C19orf44: variants seen among roughly 807,000 people sequenced by gnomAD.
C19orf44 encodes uncharacterized protein C19orf44.
In C19orf44, 43 loss-of-function variants were observed where a neutral mutation model predicts 50.7. The ratio of observed to expected loss-of-function variants is 0.85; its 90% CI spans 0.66 to 1.09. C19orf44 has a LOEUF of 1.09. Among genes scored for constraint, C19orf44 ranks in the 50% least tolerant of loss-of-function variants. The probability of loss-of-function intolerance (pLI) is 0.00; values close to 1 mark genes in which losing one functional copy is unlikely to be tolerated. For missense variants in C19orf44, 722 were observed against 836.2 expected, an observed-to-expected ratio of 0.86 and a Z score of 1.68; for synonymous variants, 298 against 334.7, an observed-to-expected ratio of 0.89 and a Z score of 1.20.
chr19:16,499,862 T>C (rs1264370503), intron 1 of C19orf44, among the ~76,000 whole-genome samples: 2 of 151,488 alleles, frequency 1.3e-5, no homozygotes, highest in East Asian at 3.9e-4. Context: ...TGATCTCGGC[T>C]CACTGCAACC....
Position 16,504,740 on chromosome 19 carries a change from T to C in C19orf44, c.1075+1360T>C, listed in dbSNP as rs185405212. 4.7e-4 allele frequency among the ~76,000 whole-genome samples: 71 copies of C among 151,614 alleles called. No individual in the cohort carries two copies. In the East Asian group the frequency reaches 9.3e-3, roughly 20 times the overall value. On this transcript the variant is annotated intron_variant, in intron 3 of 8. Coordinates refer to ENST00000221671, the MANE Select transcript of C19orf44 (RefSeq NM_032207.4). ...TCAGCTTCCCAAGTAGCTGGGACTA[T>C]AGGCGCACGCCACCATGCCTGGCTA...
chr19:16,513,071 C>A lies in C19orf44; in HGVS notation c.1697C>A (p.Pro566His). The change falls in exon 6 of 9, where the codon CCC (proline) becomes CAC (histidine). Residue 566 changes from proline to histidine, a missense_variant. Pro to His is a moderately conservative substitution (Grantham distance 77). Coordinates refer to ENST00000221671, the MANE Select transcript of C19orf44 (RefSeq NM_032207.4). The part of the protein sequence containing the change: ...ALGGAYVDPT[P>H]IANHVISADA... ...GGAGGCGCCTACGTGGACCCGACAC[C>A]CATCGCCAATCATGTTATCAGTGCA... 6.2e-7 allele frequency: 1 copy of A among 1,613,922 alleles called. No homozygotes were observed. The highest frequency in any genetic ancestry group is 8.5e-7 in the Non-Finnish European group (1 of 1,180,022).
intron 1 of C19orf44, among the ~76,000 whole-genome samples, chr19:16,498,860 C>T (rs1210198948): frequency 2.0e-5 from 3 of 151,624 alleles, no homozygotes; most frequent in South Asian, 2.1e-4. Flanking sequence ...TTAGTAGAGA[C>T]GGGGTTTCAC....
chr19:16,499,248 T>C (rs1185480626), intron 1 of C19orf44, among the ~76,000 whole-genome samples: 1 of 152,108 alleles, frequency 6.6e-6, no homozygotes, highest in East Asian at 1.9e-4. Flanking sequence ...GGAAACAGAT[T>C]GTTAATAGGA....
intron 6 of C19orf44, among the ~76,000 whole-genome samples, chr19:16,513,948 G>T (rs1347022713): frequency 6.6e-6 from 1 of 151,948 alleles, no homozygotes; most frequent in Non-Finnish European, 1.5e-5. Context: ...ATACACGTAG[G>T]GGTCCATCTG....
intron 6 of C19orf44, among the ~76,000 whole-genome samples, chr19:16,513,814 G>A (rs1568499481): frequency 6.6e-6 from 1 of 152,168 alleles, no homozygotes; most frequent in African/African-American, 2.4e-5. Flanking sequence ...CTTGCCTCCT[G>A]GGCTGAGTCT....
Position 16,507,680 on chromosome 19 carries a change from C to T in C19orf44, c.1149+906C>T, listed in dbSNP as rs561056656. Among the ~76,000 whole-genome samples the T allele has an allele frequency of 2.2e-4, 33 of 151,348 alleles. No homozygotes were observed. The South Asian group carries it at 5.4e-3, about 25-fold the overall frequency. ...TAATTTTTGTATATTTTAGTAGAGA[C>T]GGGGTTTCACCATGTTGGCCAGGCT... On this transcript the variant is annotated intron_variant, in intron 4 of 8. Transcript: ENST00000221671.
rs370102260 is a variant in C19orf44, at chr19:16,517,337, A to C, written c.*36A>C. 5.7e-6 allele frequency: 9 copies of C among 1,592,510 alleles called. No individual in the cohort carries two copies. In the African/African-American group the frequency reaches 9.4e-5, roughly 17 times the overall value. On this transcript the variant is annotated 3_prime_UTR_variant, in exon 8 of 9. Transcript: ENST00000221671. Reference sequence around the variant, plus strand: ...GTGGAGCTTGACGTGACGTCTTAACAAAAGGTATCCCGTCCTGTGTACTCA... The same window carrying C: ...GTGGAGCTTGACGTGACGTCTTAACCAAAGGTATCCCGTCCTGTGTACTCA...
Position 16,520,092 on chromosome 19 carries a change from A to G in C19orf44, c.*41-2A>G. 1 of 1,549,540 alleles carries G rather than the reference A, an allele frequency of 6.5e-7. No individual in the cohort carries two copies. The highest frequency in any genetic ancestry group is 1.7e-5 in the Admixed American group (1 of 58,244). On this transcript the variant is annotated splice_acceptor_variant, in intron 8 of 8. Transcript: ENST00000221671. LOFTEE classifies it low-confidence loss of function (3UTR_SPLICE). The surrounding 1 kb of genome is among the most constrained non-coding windows in gnomAD (Gnocchi z 4.0). ...TAACCACCAATGTTTCCACATTCAC[A>G]GCAAAGCACCGCAGCTTCCCAGAGT...
intron 8 of C19orf44, chr19:16,518,005 C>A (rs1048007564): frequency 1.4e-4 from 21 of 152,254 alleles, no homozygotes; most frequent in African/African-American, 5.1e-4. Flanking sequence ...TTCACAGCTA[C>A]AGGAAATCTA....
At chr19:16,506,305 G>C (rs989230790) in intron 3 of C19orf44, among the ~76,000 whole-genome samples, 8 of 151,388 alleles carry the variant, frequency 5.3e-5, no homozygotes, top group Non-Finnish European at 1.2e-4. Flanking sequence ...ACATTTGTGG[G>C]AGATTAGGCT....
At chr19:16,500,743 A>G in intron 1 of C19orf44, 49 bp from the exon 2 acceptor site, 1 of 1,508,378 alleles carries the variant, frequency 6.6e-7, no homozygotes, top group Non-Finnish European at 8.9e-7. Flanking sequence ...TGAATGCTCA[A>G]TACAAACAGC....
intron 8 of C19orf44, 107 bp downstream of exon 8, chr19:16,517,448 GAC>G (rs142142968): frequency 0.011 from 7,507 of 681,672 alleles, 2 homozygotes; most frequent in East Asian, 0.013. Flanking sequence ...TGGGGTGATG[GAC>G]ACACACACAC....
rs769718275 is a variant in C19orf44, at chr19:16,501,373, G to A, written c.581G>A (p.Arg194Lys). ...CCTGAAGCACCTGCTGGGAAAGAGA[G>A]GACTTTGCAAACCCCCAAACAGAAA... The part of the protein sequence containing the change: ...ISPEAPAGKE[R>K]TLQTPKQKEP... The change falls in exon 2 of 9, where the codon AGG (arginine) becomes AAG (lysine). Residue 194 changes from arginine to lysine, a missense_variant. Coordinates refer to ENST00000221671, the MANE Select transcript of C19orf44 (RefSeq NM_032207.4). The A allele has an allele frequency of 6.8e-6, 11 of 1,613,868 alleles. No homozygotes were observed. The South Asian group carries it at 7.7e-5, about 11-fold the overall frequency.
intron 2 of C19orf44, among the ~76,000 whole-genome samples, chr19:16,502,446 C>T (rs970080285): frequency 1.1e-4 from 17 of 151,350 alleles, no homozygotes; most frequent in African/African-American, 4.1e-4. Context: ...TCCTGTTGGC[C>T]GTGATGGTCT....
At chr19:16,508,318 G>T (rs543826337) in intron 4 of C19orf44, among the ~76,000 whole-genome samples, 1 of 151,222 alleles carries the variant, frequency 6.6e-6, no homozygotes, top group African/African-American at 2.4e-5. Flanking sequence ...GGCCAGGCTG[G>T]TCTCCAACTC....
intron 1 of C19orf44, among the ~76,000 whole-genome samples, chr19:16,497,249 A>T (rs917833164): frequency 6.7e-6 from 1 of 148,242 alleles, no homozygotes; most frequent in Non-Finnish European, 1.5e-5. Flanking sequence ...CACCGGCCCG[A>T]TCTGCTTTCT....
intron 1 of C19orf44, among the ~76,000 whole-genome samples, chr19:16,498,676 CTTT>C (rs553673820): frequency 6.9e-6 from 1 of 143,994 alleles, no homozygotes; most frequent in Admixed American, 7.0e-5. Context: ...TGGTTTTTTT[CTTT>C]TTTTTTTTTG....
chr19:16,505,774 C>T (rs753323913), intron 3 of C19orf44, among the ~76,000 whole-genome samples: 5 of 151,594 alleles, frequency 3.3e-5, no homozygotes, highest in African/African-American at 9.7e-5. Flanking sequence ...CCTCCAACTC[C>T]GGGTTCAAGC....
Sources: gnomAD v4.1 joint callset for allele counts (sites outside exome capture counted in the v4.1 genomes callset) on GRCh38, gnomAD v4.1.1 for gene constraint, Gnocchi (gnomAD v3.1) non-coding constraint, MANE v1.5 for transcripts, NCBI Gene and HGNC (gene_info 2026-07-23, HGNC 2026-07-21) for gene names.